UGT2A2: variants seen among roughly 807,000 people sequenced by gnomAD.
UGT2A2 encodes the protein UDP glucuronosyltransferase family 2 member A2.
In UGT2A2, 60 loss-of-function variants were observed where a neutral mutation model predicts 50.7. That is an observed-to-expected ratio of 1.18 (90% CI 0.96 to 1.47). The LOEUF (loss-of-function observed/expected upper bound fraction) is 1.47, where lower values mean the gene tolerates loss of function less well. UGT2A2 is among the 40% of genes most tolerant of loss of function. UGT2A2 has a pLI of 0.00. For synonymous variants in UGT2A2, 242 were observed against 214.6 expected, an observed-to-expected ratio of 1.13 and a Z score of -1.11; for missense variants, 762 against 634.0, an observed-to-expected ratio of 1.20 and a Z score of -2.17.
intron 5 of UGT2A2, among the ~76,000 whole-genome samples, chr4:69,592,174 T>C (rs982751597): frequency 2.0e-5 from 3 of 152,136 alleles, no homozygotes; most frequent in Non-Finnish European, 4.4e-5. Flanking sequence ...GAAAAAGCAC[T>C]AAATTCCATC....
At chr4:69,590,459 T>C (rs1030809779) in intron 5 of UGT2A2, among the ~76,000 whole-genome samples, 1 of 152,206 alleles carries the variant, frequency 6.6e-6, no homozygotes, top group Non-Finnish European at 1.5e-5. Context: ...TTTTGGTTTG[T>C]GTCTGGAAGA....
At chr4:69,620,239 G>A (rs544305836) in intron 1 of UGT2A2, among the ~76,000 whole-genome samples, 4 of 151,956 alleles carry the variant, frequency 2.6e-5, no homozygotes, top group African/African-American at 9.6e-5. Flanking sequence ...AAACCCCATA[G>A]TCTCAGCCCC....
At chr4:69,600,633 A>T (rs1262481375) in intron 1 of UGT2A2, among the ~76,000 whole-genome samples, 1 of 152,070 alleles carries the variant, frequency 6.6e-6, no homozygotes, top group East Asian at 1.9e-4. Flanking sequence ...TATTTTTTTA[A>T]AAAGAGGTTT....
Position 69,594,621 on chromosome 4 carries a change from G to C in UGT2A2, c.1187C>G (p.Pro396Arg). The change falls in exon 5 of 6, where the codon CCT becomes CGT. Residue 396 changes from proline to arginine, a missense_variant. Pro to Arg is a moderately radical substitution (Grantham distance 103, BLOSUM62 -2). Transcript: ENST00000604629. Reference sequence around the variant, plus strand: ...AGCAAACATGGGAACTCCCACCATAGGGACTCCGTGGTAAATAGCTTCGTA... The same window carrying C: ...AGCAAACATGGGAACTCCCACCATACGGACTCCGTGGTAAATAGCTTCGTA... ...GIYEAIYHGV[P>R]MVGVPMFADQ... 6.2e-7 allele frequency: 1 copy of C among 1,614,112 alleles called. No individual in the cohort carries two copies.
intron 1 of UGT2A2, among the ~76,000 whole-genome samples, chr4:69,618,212 T>TGC (rs1287603698): frequency 2.9e-5 from 3 of 105,092 alleles, no homozygotes; most frequent in African/African-American, 9.8e-5. Flanking sequence ...TGTGTGTGTG[T>TGC]GTGTATGTTT....
In UGT2A2 at chr4:69,589,664, T is replaced by C. The variant is rs761974484; in HGVS notation, c.1332-13A>G. 8 of 1,580,366 alleles carry C rather than the reference T, an allele frequency of 5.1e-6. No individual in the cohort carries two copies. The highest frequency in any genetic ancestry group is 6.9e-6 in the Non-Finnish European group (8 of 1,161,864). The stretch of plus-strand genomic sequence containing the variant: ...ATTCTCTTTATAACTAGAAGACAAA[T>C]AAATAGGCAGAAATTAGACAATTTT... On this transcript the variant is annotated splice_polypyrimidine_tract_variant and intron_variant, in intron 5 of 5. Coordinates refer to ENST00000604629, the MANE Select transcript of UGT2A2 (RefSeq NM_001105677.2).
At chr4:69,614,643 T>G (rs930379508) in intron 1 of UGT2A2, among the ~76,000 whole-genome samples, 1 of 151,936 alleles carries the variant, frequency 6.6e-6, no homozygotes, top group Non-Finnish European at 1.5e-5. Flanking sequence ...TGGAATAGAA[T>G]AATGGACACA....
chr4:69,629,524 G>T (rs1162518288), intron 1 of UGT2A2, among the ~76,000 whole-genome samples: 1 of 151,954 alleles, frequency 6.6e-6, no homozygotes, highest in East Asian at 1.9e-4. Context: ...TTGCTCTGAG[G>T]GTCTGGAGTC....
chr4:69,610,531 C>G (rs1489234647), intron 1 of UGT2A2, among the ~76,000 whole-genome samples: 6 of 152,078 alleles, frequency 3.9e-5, no homozygotes, highest in African/African-American at 1.4e-4. Flanking sequence ...TTTAAATAAT[C>G]TGTTTTAAAA....
chr4:69,595,018 A>G, intron 4 of UGT2A2, 144 bp downstream of exon 4: 1 of 1,197,224 alleles, frequency 8.4e-7, no homozygotes. Flanking sequence ...ATTAATGGCC[A>G]ATTATGTAAT....
At chr4:69,633,775 G>T (rs1207869607) in intron 1 of UGT2A2, among the ~76,000 whole-genome samples, 1 of 152,114 alleles carries the variant, frequency 6.6e-6, no homozygotes, top group Non-Finnish European at 1.5e-5. Context: ...AGCCAAGAAA[G>T]TGTTTACCAT....
Position 69,595,161 on chromosome 4 carries a change from C to G in UGT2A2, c.1111+1G>C. 6.2e-7 allele frequency: 1 copy of G among 1,613,804 alleles called. No homozygotes were observed. Among genetic ancestry groups the G allele is most frequent in the Non-Finnish European group, 8.5e-7 (1 of 1,179,862 alleles). On this transcript the variant is annotated splice_donor_variant, in intron 4 of 5. Coordinates refer to ENST00000604629, the MANE Select transcript of UGT2A2 (RefSeq NM_001105677.2). LOFTEE classifies it high-confidence loss of function. ...CAGCTTTTCTTTCCCCACAGTCTTACCAAGAAGATCATTCTGGGGTATCCA... is the reference window on the plus strand; with the variant it reads ...CAGCTTTTCTTTCCCCACAGTCTTAGCAAGAAGATCATTCTGGGGTATCCA...
rs750896308 is a variant in UGT2A2 at position 69,639,450 on chromosome 4, G to T, written c.191C>A (p.Ser64Ter). Residue 64 changes from serine to a stop codon, truncating the protein, a stop_gained, in exon 1 of 6, where the codon TCA becomes TAA. Transcript: ENST00000604629. LOFTEE classifies it high-confidence loss of function. Reference sequence around the variant, plus strand: ...GGAGTTGATGAATAGAGTTGCTGATGAAGCCAGTACAGTCACATTGTGATT... The same window carrying T: ...GGAGTTGATGAATAGAGTTGCTGATTAAGCCAGTACAGTCACATTGTGATT... ...QRNHNVTVLA[S>*]SATLFINSNP... 2 of 1,612,974 alleles carry T rather than the reference G, an allele frequency of 1.2e-6. No individual in the cohort carries two copies. Among genetic ancestry groups the T allele is most frequent in the Non-Finnish European group, 1.7e-6 (2 of 1,179,528 alleles).
At chr4:69,627,566 GAA>G (rs1560486868) in intron 1 of UGT2A2, among the ~76,000 whole-genome samples, 247 of 145,056 alleles carry the variant, frequency 1.7e-3, no homozygotes, top group African/African-American at 5.7e-3. Context: ...GAGAGAGAGA[GAA>G]AGAAAGAGAG....
intron 1 of UGT2A2, among the ~76,000 whole-genome samples, chr4:69,619,993 T>C (rs1372401388): frequency 1.3e-5 from 2 of 151,860 alleles, no homozygotes; most frequent in Non-Finnish European, 2.9e-5. Context: ...CTCAAAATAA[T>C]AAGAGACATA....
chr4:69,631,031 C>T (rs921242908), intron 1 of UGT2A2, among the ~76,000 whole-genome samples: 4 of 152,044 alleles, frequency 2.6e-5, no homozygotes, highest in Non-Finnish European at 2.9e-5. Context: ...ATGAAATCAT[C>T]GACATAAGCT....
chr4:69,594,811 C>T, intron 4 of UGT2A2, 115 bp from the exon 5 acceptor site: 1 of 1,296,328 alleles, frequency 7.7e-7, no homozygotes, highest in Non-Finnish European at 1.0e-6. Flanking sequence ...GATACGTTTT[C>T]TACAAAAGCA....
chr4:69,617,410 T>C (rs1046825482), intron 1 of UGT2A2, among the ~76,000 whole-genome samples: 5 of 151,928 alleles, frequency 3.3e-5, no homozygotes, highest in Non-Finnish European at 7.4e-5. Flanking sequence ...TATACAAAGA[T>C]ATAATATATA....
chr4:69,604,479 C>A (rs62306493), intron 1 of UGT2A2, among the ~76,000 whole-genome samples: 25,109 of 135,978 alleles, frequency 0.18, 6,125 homozygotes, highest in Non-Finnish European at 0.22. Context: ...CCACATTGTA[C>A]AGACCATCGA....
Sources: gnomAD v4.1 joint callset for allele counts (sites outside exome capture counted in the v4.1 genomes callset) on GRCh38, gnomAD v4.1.1 for gene constraint, MANE v1.5 for transcripts, NCBI Gene and HGNC (gene_info 2026-07-23, HGNC 2026-07-21) for gene names.